The following CEP128 variants were observed in gnomAD, a reference collection of about 807,000 sequenced individuals.
The protein encoded by CEP128 is centrosomal protein 128.
CEP128 carries 132 observed loss-of-function variants against 156.7 expected under a neutral mutation model. The ratio of observed to expected loss-of-function variants is 0.84; its 90% confidence interval spans 0.73 to 0.97. CEP128 has a LOEUF of 0.97. Ranked by LOEUF, CEP128 falls within the 50% of genes least tolerant of loss-of-function variation. The pLI, the probability that CEP128 is intolerant of heterozygous loss-of-function variation, is 0.00. For missense variants in CEP128, 1,252 were observed against 1,281.9 expected, an observed-to-expected ratio of 0.98 and a Z score of 0.36; for synonymous variants, 469 against 448.9, an observed-to-expected ratio of 1.04 and a Z score of -0.57.
intron 21 of CEP128, among the ~76,000 whole-genome samples, chr14:80,544,627 T>C (rs940638080): frequency 6.6e-6 from 1 of 152,212 alleles, no homozygotes; most frequent in African/African-American, 2.4e-5. Flanking sequence ...CTCACGGACA[T>C]ACTTTGGGCA....
chr14:80,936,368 C>G (rs1434675604), intron 2 of CEP128, among the ~76,000 whole-genome samples: 4 of 151,720 alleles, frequency 2.6e-5, no homozygotes, highest in Non-Finnish European at 4.4e-5. Flanking sequence ...AGTTACAGAA[C>G]AAGACTTCAT....
intron 8 of CEP128, among the ~76,000 whole-genome samples, 162 bp downstream of exon 8, chr14:80,895,556 A>C (rs924241166): frequency 1.3e-4 from 20 of 152,168 alleles, no homozygotes; most frequent in African/African-American, 3.6e-4. Flanking sequence ...ATAAGTACCC[A>C]AAATTCATGA....
chr14:80,876,995 C>T (rs888645267), intron 8 of CEP128, among the ~76,000 whole-genome samples: 5 of 152,060 alleles, frequency 3.3e-5, no homozygotes, highest in Non-Finnish European at 5.9e-5. Context: ...CCTTCTAAGG[C>T]TCAATTAAAT....
At chr14:80,497,723 C>T (rs1802074942) in intron 24 of CEP128, 141 bp from the exon 25 acceptor site, 1 of 629,314 alleles carries the variant, frequency 1.6e-6, no homozygotes, top group Non-Finnish European at 2.8e-6. Flanking sequence ...GACTAACAGA[C>T]CTCCAAGCTA....
At chr14:80,678,698 T>A (rs1041266624) in intron 19 of CEP128, among the ~76,000 whole-genome samples, 9 of 152,148 alleles carry the variant, frequency 5.9e-5, no homozygotes, top group Admixed American at 2.0e-4. Context: ...TGGAGAGCAC[T>A]TTGTTTCTCC....
intron 21 of CEP128, among the ~76,000 whole-genome samples, chr14:80,558,744 A>G (rs1890546683): frequency 6.6e-6 from 1 of 152,216 alleles, no homozygotes; most frequent in Admixed American, 6.5e-5. Flanking sequence ...TTCAATGAAT[A>G]TTGTATGCAT....
At chr14:80,688,506 CAAG>C (rs1896602138) in intron 19 of CEP128, among the ~76,000 whole-genome samples, 1 of 152,126 alleles carries the variant, frequency 6.6e-6, no homozygotes, top group South Asian at 2.1e-4. Flanking sequence ...TCAAGTTTAG[CAAG>C]AAGCTCATTG....
intron 8 of CEP128, among the ~76,000 whole-genome samples, chr14:80,873,420 G>T (rs1253819487): frequency 6.6e-6 from 1 of 152,204 alleles, no homozygotes; most frequent in East Asian, 1.9e-4. Context: ...CTATGTGAAA[G>T]AAATCCAAAT....
intron 14 of CEP128, among the ~76,000 whole-genome samples, chr14:80,484,598 T>C (rs1280513354): frequency 6.6e-6 from 1 of 152,164 alleles, no homozygotes; most frequent in Non-Finnish European, 1.5e-5. Flanking sequence ...ACTCTGGTGA[T>C]TGCCACTTTG....
Position 80,847,663 on chromosome 14 carries a change from CCACCTCTCT to C in CEP128, c.763-6904_763-6896del, listed in dbSNP as rs1886677256. 2.0e-5 allele frequency among the ~76,000 whole-genome samples: 3 copies of C among 152,248 alleles called. No individual in the cohort carries two copies. The South Asian group carries it at 6.2e-4, about 32-fold the overall frequency. On this transcript the variant is annotated intron_variant, in intron 9 of 24. Coordinates refer to ENST00000555265, the MANE Select transcript of CEP128 (RefSeq NM_152446.5). ...TGAAAATACAGTCTTAGCAAAAATG[CCACCTCTCT>C]CACCCAAACTTTCCCCAAGGGGCCA...
chr14:80,726,538 G>A (rs1898027213), intron 19 of CEP128, among the ~76,000 whole-genome samples: 1 of 152,140 alleles, frequency 6.6e-6, no homozygotes, highest in African/African-American at 2.4e-5. Flanking sequence ...CCTAAAAGCA[G>A]AGAGTGTCCT....
At chr14:80,868,246 CT>C (rs1425394099) in intron 8 of CEP128, among the ~76,000 whole-genome samples, 1 of 152,064 alleles carries the variant, frequency 6.6e-6, no homozygotes, top group Non-Finnish European at 1.5e-5. Flanking sequence ...TACTCTAATA[CT>C]TATAATGGTA....
chr14:80,642,463 G>T (rs190218965), intron 19 of CEP128, among the ~76,000 whole-genome samples: 3 of 152,096 alleles, frequency 2.0e-5, no homozygotes, highest in Non-Finnish European at 4.4e-5. Flanking sequence ...CAGGAAGACT[G>T]CTTGAGGCCA....
intron 1 of CEP128, chr14:80,958,312 A>G (rs1379293251): frequency 6.6e-6 from 1 of 152,178 alleles, no homozygotes; most frequent in Admixed American, 6.5e-5. Flanking sequence ...AAAATGAAGT[A>G]ATTTGCTCAA....
chr14:80,783,932 G>C (rs1901258633), intron 15 of CEP128, among the ~76,000 whole-genome samples: 1 of 152,114 alleles, frequency 6.6e-6, no homozygotes, highest in African/African-American at 2.4e-5. Context: ...ATCCACTAAT[G>C]CCAGAAGGCT....
At chr14:80,866,003 G>C (rs1377622404) in intron 8 of CEP128, among the ~76,000 whole-genome samples, 2 of 152,260 alleles carry the variant, frequency 1.3e-5, no homozygotes, top group African/African-American at 4.8e-5. Context: ...AAGCCAGCAA[G>C]TTAGGGGAAA....
intron 19 of CEP128, among the ~76,000 whole-genome samples, chr14:80,714,989 G>A (rs1223503671): frequency 3.3e-5 from 5 of 152,136 alleles, no homozygotes; most frequent in Admixed American, 6.6e-5. Context: ...TTGGGAGGCC[G>A]TGGTGGGCGG....
At chr14:80,698,640 G>A (rs1896966406) in intron 19 of CEP128, among the ~76,000 whole-genome samples, 1 of 151,936 alleles carries the variant, frequency 6.6e-6, no homozygotes, top group South Asian at 2.1e-4. Context: ...AAAATTAAAG[G>A]AGTCATTTGA....
At chr14:80,779,035 CT>C (rs1248326859) in intron 15 of CEP128, among the ~76,000 whole-genome samples, 1 of 152,152 alleles carries the variant, frequency 6.6e-6, no homozygotes, top group East Asian at 1.9e-4. Context: ...TCTAATGTCC[CT>C]GCTTTCAACT....
Sources: allele counts gnomAD v4.1 joint callset (sites outside exome capture counted in the v4.1 genomes callset), GRCh38; gene constraint gnomAD v4.1.1; transcripts MANE v1.5; gene names NCBI Gene and HGNC (gene_info 2026-07-23, HGNC 2026-07-21).